TBC1D1: variants seen among roughly 807,000 people sequenced by gnomAD.
The protein encoded by TBC1D1 is TBC1 (tre-2/USP6, BUB2, cdc16) domain family, member 1.
In TBC1D1, 89 loss-of-function variants were observed where a neutral mutation model predicts 125.6. That is an observed-to-expected ratio of 0.71 (90% CI 0.60 to 0.85). TBC1D1 has a LOEUF of 0.85. Among genes scored for constraint, TBC1D1 ranks in the 40% least tolerant of loss-of-function variants. The pLI is 0.00. For synonymous variants in TBC1D1, 565 were observed against 564.1 expected (o/e 1.00, Z -0.02); for missense variants, 1,377 against 1,469.2 (o/e 0.94, Z 1.03).
intron 10 of TBC1D1, 123 bp from the exon 11 acceptor site, chr4:38,049,495 A>T: frequency 8.4e-7 from 1 of 1,195,176 alleles, no homozygotes; most frequent in Non-Finnish European, 1.2e-6. Flanking sequence ...GGTGGCTTCT[A>T]GATGGCATTA....
At chr4:38,120,069 ACT>A in intron 17 of TBC1D1, 1 of 985,396 alleles carries the variant, frequency 1.0e-6, no homozygotes, top group Non-Finnish European at 1.2e-6. Flanking sequence ...TCTGAAGCTC[ACT>A]CTAATGACTT....
At chr4:37,984,693 A>C (rs1735066785) in intron 2 of TBC1D1, among the ~76,000 whole-genome samples, 1 of 151,810 alleles carries the variant, frequency 6.6e-6, no homozygotes, top group Admixed American at 6.6e-5. Flanking sequence ...AAATACAAAA[A>C]TTAGCTGGGT....
At chr4:38,008,649 C>A (rs1183902502) in intron 2 of TBC1D1, among the ~76,000 whole-genome samples, 1 of 152,222 alleles carries the variant, frequency 6.6e-6, no homozygotes, top group Non-Finnish European at 1.5e-5. Context: ...GCCTCCTCAG[C>A]CAGCTAACAG....
chr4:38,090,608 AAT>A (rs1273849999), intron 13 of TBC1D1, among the ~76,000 whole-genome samples: 1 of 152,242 alleles, frequency 6.6e-6, no homozygotes, highest in Non-Finnish European at 1.5e-5. Flanking sequence ...TACTGATATC[AAT>A]AGTGTCAAAA....
intron 17 of TBC1D1, among the ~76,000 whole-genome samples, chr4:38,120,856 G>A (rs1255985752): frequency 6.6e-6 from 1 of 152,104 alleles, no homozygotes; most frequent in Non-Finnish European, 1.5e-5. Context: ...TAAAAAACAG[G>A]ACCTGGCTTG....
intron 18 of TBC1D1, among the ~76,000 whole-genome samples, chr4:38,131,585 G>GGT (rs1325378218): frequency 1.3e-5 from 2 of 152,212 alleles, no homozygotes; most frequent in African/African-American, 2.4e-5. Flanking sequence ...CATCCTGGGA[G>GGT]GTAGGCGCTG....
rs140473695 is a variant in TBC1D1, at chr4:38,137,514, G to GT, written c.*187dup. 3.2e-3 allele frequency: 2,783 copies of GT among 882,110 alleles called. 48 individuals are homozygous for GT. In the African/African-American group the frequency reaches 0.038, roughly 12 times the overall value. The allele number at this position is 882,110 out of a possible 1,614,324, so 54.6% of individuals were successfully genotyped here. ...TGCAATTCAGGGGGCATGTCCCAGT[G>GT]TTTTTTTTGTTGTTTTTAGATACTA... On this transcript the variant is annotated 3_prime_UTR_variant, in exon 20 of 20. Transcript: ENST00000261439.
intron 14 of TBC1D1, 87 bp downstream of exon 16, chr4:38,096,177 AT>A: frequency 9.2e-7 from 1 of 1,089,950 alleles, no homozygotes; most frequent in Non-Finnish European, 1.3e-6. Context: ...GTCAAGTCTA[AT>A]TTTAGTGGCC....
At chr4:38,132,459 T>G (rs1200518029) in intron 18 of TBC1D1, among the ~76,000 whole-genome samples, 1 of 152,208 alleles carries the variant, frequency 6.6e-6, no homozygotes, top group Non-Finnish European at 1.5e-5. Flanking sequence ...ACGTGTGGTG[T>G]TTTCGTCACC....
chr4:38,135,893 T>TGTGTGTGGGTATATATAC (rs1766464531), intron 19 of TBC1D1, among the ~76,000 whole-genome samples: 1 of 149,282 alleles, frequency 6.7e-6, no homozygotes, highest in African/African-American at 2.5e-5. Context: ...TGTGTATATA[T>TGTGTGTGGGTATATATAC]GTGTGTGTGT....
At chr4:38,105,436 T>G (rs534621209) in intron 15 of TBC1D1, among the ~76,000 whole-genome samples, 1 of 152,198 alleles carries the variant, frequency 6.6e-6, no homozygotes, top group Non-Finnish European at 1.5e-5. Flanking sequence ...AGCTGCACTT[T>G]TTTTTCAACT....
chr4:37,911,462 G>C lies in TBC1D1; in HGVS notation c.417+8950G>C, dbSNP rs996005668. On this transcript the variant is annotated intron_variant, in intron 2 of 19. Coordinates refer to ENST00000261439, the MANE Select transcript of TBC1D1 (RefSeq NM_015173.4). ...GACACTGGATTGGGGTTGAGATTTG[G>C]GGGAGGAGCCTGATGCAGGATTTTA... Among the ~76,000 whole-genome samples, 46 of 152,114 alleles carry C rather than the reference G, an allele frequency of 3.0e-4. 1 individual carries two copies. Among genetic ancestry groups the C allele is most frequent in the Admixed American group, 3.0e-3 (46 of 15,266 alleles).
rs1436108095 is a variant in TBC1D1, at chr4:38,054,186, C to T, written c.1911-13C>T. 6.2e-7 allele frequency: 1 copy of T among 1,613,468 alleles called. No individual in the cohort carries two copies. The highest frequency in any genetic ancestry group is 1.1e-5 in the South Asian group (1 of 91,042). On this transcript the variant is annotated splice_polypyrimidine_tract_variant and intron_variant, in intron 11 of 19. Coordinates refer to ENST00000261439, the MANE Select transcript of TBC1D1 (RefSeq NM_015173.4). Reference sequence around the variant, plus strand: ...TCCCCACTAGTCATAAATCAATCATCTTATAATTTTAGGGACTTTGAATCC... The same window carrying T: ...TCCCCACTAGTCATAAATCAATCATTTTATAATTTTAGGGACTTTGAATCC...
chr4:38,101,161 G>T (rs1760254713), intron 14 of TBC1D1, among the ~76,000 whole-genome samples: 1 of 152,210 alleles, frequency 6.6e-6, no homozygotes, highest in Non-Finnish European at 1.5e-5. Context: ...GCTGCTACCT[G>T]CCAGAGCAGA....
chr4:37,977,569 C>A lies in TBC1D1; in HGVS notation c.418-36940C>A. The stretch of plus-strand genomic sequence containing the variant: ...GCGGGCGCCCGTTACCGGAGCGGAG[C>A]GGCAGGCGCGGGGCTGGAACATTTG... On this transcript the variant is annotated intron_variant, in intron 2 of 19. Transcript: ENST00000261439. The surrounding 1 kb of genome is among the most constrained non-coding windows in gnomAD (Gnocchi z 4.3). 2 of 648,038 alleles carry A rather than the reference C, an allele frequency of 3.1e-6. No individual in the cohort carries two copies. Among genetic ancestry groups the A allele is most frequent in the South Asian group, 6.6e-5 (1 of 15,162 alleles). 40.1% of individuals were successfully genotyped at this position (648,038 alleles called of 1,614,324 possible). A position where few individuals can be genotyped will look rare whatever the true frequency, so the allele number is the denominator to read the frequency against.
intron 2 of TBC1D1, among the ~76,000 whole-genome samples, chr4:37,914,673 A>C (rs948972934): frequency 6.6e-6 from 1 of 152,204 alleles, no homozygotes; most frequent in Non-Finnish European, 1.5e-5. Context: ...CAGTACTTAG[A>C]CTAAAGTCCT....
chr4:37,984,660 A>G (rs976412591), intron 2 of TBC1D1, among the ~76,000 whole-genome samples: 2 of 151,926 alleles, frequency 1.3e-5, no homozygotes, highest in South Asian at 2.1e-4. Flanking sequence ...CCTGGCCAAC[A>G]TGGCAAAACC....
intron 15 of TBC1D1, among the ~76,000 whole-genome samples, chr4:38,107,408 G>A (rs978117737): frequency 6.6e-6 from 1 of 152,182 alleles, no homozygotes; most frequent in Admixed American, 6.5e-5. Flanking sequence ...CAGTGAAGGT[G>A]TGTAGTATAA....
intron 2 of TBC1D1, among the ~76,000 whole-genome samples, chr4:37,941,324 G>C (rs1478420409): frequency 1.3e-5 from 2 of 152,218 alleles, no homozygotes; most frequent in African/African-American, 4.8e-5. Context: ...GGTGTTTATA[G>C]TGTTCTCTGA....
Sources: allele counts gnomAD v4.1 joint callset (sites outside exome capture counted in the v4.1 genomes callset), GRCh38; gene constraint gnomAD v4.1.1; non-coding constraint Gnocchi (gnomAD v3.1); transcripts MANE v1.5; gene names NCBI Gene and HGNC (gene_info 2026-07-23, HGNC 2026-07-21).